Variants in SLC17A1 observed in about 807,000 individuals in gnomAD.
The protein encoded by SLC17A1 is solute carrier family 17 member 1.
In SLC17A1, 51 loss-of-function variants were observed where a neutral mutation model predicts 53.5. The ratio of observed to expected loss-of-function variants is 0.95; its 90% CI spans 0.76 to 1.20. The LOEUF (loss-of-function observed/expected upper bound fraction) is 1.20, where lower values mean the gene tolerates loss of function less well. Ranked by LOEUF, SLC17A1 falls within the 50% of genes most tolerant of loss-of-function variation. The probability of loss-of-function intolerance (pLI) is 0.00; values close to 1 mark genes in which losing one functional copy is unlikely to be tolerated. For synonymous variants in SLC17A1, 179 were observed against 198.8 expected (o/e 0.90, Z 0.84); for missense variants, 538 against 568.2 (o/e 0.95, Z 0.54).
chr6:25,731,814 T>G, the SLC17A1 span: 1 of 1,601,390 alleles, frequency 6.2e-7, no homozygotes, highest in Non-Finnish European at 8.5e-7. Context: ...GGTGACAGCC[T>G]TGGTGCCCTC....
the SLC17A1 span, among the ~76,000 whole-genome samples, chr6:25,744,736 A>G: frequency 1.3e-5 from 2 of 152,156 alleles, no homozygotes. Flanking sequence ...CCTGGTGGAC[A>G]TTCTTACACC....
rs34669145 is a variant in SLC17A1 at position 25,802,935 on chromosome 6, C to CTTTT, written c.1179-1959_1179-1956dup. Among the ~76,000 whole-genome samples, 78 of 46,102 alleles carry CTTTT rather than the reference C, an allele frequency of 1.7e-3. 10 individuals carry two copies. The highest frequency in any genetic ancestry group is 4.4e-3 in the East Asian group (5 of 1,130). 30.2% of individuals were successfully genotyped at this position (46,102 alleles called of 152,430 possible). ...ATGACGTTTTAACGACTATCTTCTT[C>CTTTT]TTTTTTTTTTTTTTTTTTTTTTTTT... is the stretch of plus-strand genomic sequence containing the variant. On this transcript the variant is annotated intron_variant, in intron 10 of 12. Coordinates refer to ENST00000244527, the MANE Select transcript of SLC17A1 (RefSeq NM_005074.5).
At chr6:25,793,692 T>C (rs1163036079) in intron 12 of SLC17A1, among the ~76,000 whole-genome samples, 1 of 152,118 alleles carries the variant, frequency 6.6e-6, no homozygotes, top group Non-Finnish European at 1.5e-5. Context: ...GAATATTAGA[T>C]AGCAGGGATT....
At chr6:25,769,328 G>C in the SLC17A1 span, 1 of 819,136 alleles carries the variant, frequency 1.2e-6, no homozygotes. Flanking sequence ...AAGTACCTAA[G>C]TATCAGGCCG....
At chr6:25,732,138 T>A in the SLC17A1 span, 3 of 547,312 alleles carry the variant, frequency 5.5e-6, no homozygotes, top group East Asian at 1.4e-4. Flanking sequence ...GAAATGGTAG[T>A]GCCCTTTGAA....
At chr6:25,732,721 GC>G in the SLC17A1 span, 6 of 1,286,210 alleles carry the variant, frequency 4.7e-6, no homozygotes, top group Non-Finnish European at 6.6e-6. Flanking sequence ...TCGACAAGCT[GC>G]TGGCCCGAGT....
chr6:25,756,579 G>A, the SLC17A1 span, among the ~76,000 whole-genome samples: 4 of 152,134 alleles, frequency 2.6e-5, no homozygotes, highest in Admixed American at 1.3e-4. Context: ...CCCCACAACA[G>A]CACTGTCCTC....
chr6:25,824,191 C>T (rs1400528478), intron 3 of SLC17A1, among the ~76,000 whole-genome samples: 2 of 151,560 alleles, frequency 1.3e-5, no homozygotes, highest in Non-Finnish European at 3.0e-5. Context: ...TTCTTATATG[C>T]AACAACAAAA....
chr6:25,831,083 A>G (rs1474121993), intron 1 of SLC17A1, among the ~76,000 whole-genome samples: 12 of 152,196 alleles, frequency 7.9e-5, no homozygotes. Flanking sequence ...GGAAGATACT[A>G]TCTGCTTATT....
At chr6:25,774,827 C>T in the SLC17A1 span, among the ~76,000 whole-genome samples, 187 of 152,328 alleles carry the variant, frequency 1.2e-3, no homozygotes, top group African/African-American at 3.5e-3. Context: ...GCCTTCAGGG[C>T]ATTTTCTCAC....
At chr6:25,728,028 A>C in the SLC17A1 span, among the ~76,000 whole-genome samples, 2 of 151,880 alleles carry the variant, frequency 1.3e-5, no homozygotes, top group South Asian at 2.1e-4. Context: ...AAACAAAAAA[A>C]CCCCCTAGTT....
the SLC17A1 span, among the ~76,000 whole-genome samples, chr6:25,729,433 A>G: frequency 1.3e-5 from 2 of 152,316 alleles, 1 homozygote; most frequent in South Asian, 4.1e-4. Context: ...AGGATAAAGT[A>G]AAGGCAGGAA....
chr6:25,759,801 C>A, the SLC17A1 span, among the ~76,000 whole-genome samples: 2 of 152,146 alleles, frequency 1.3e-5, no homozygotes, highest in Non-Finnish European at 2.9e-5. Context: ...ACTATAGATA[C>A]TTGGTTGTTT....
the SLC17A1 span, among the ~76,000 whole-genome samples, chr6:25,763,262 T>G: frequency 2.0e-5 from 3 of 152,190 alleles, no homozygotes; most frequent in Admixed American, 2.0e-4. Flanking sequence ...GTAACCCACT[T>G]TACCCTGGCC....
At chr6:25,756,601 G>A in the SLC17A1 span, among the ~76,000 whole-genome samples, 64 of 152,080 alleles carry the variant, frequency 4.2e-4, no homozygotes, top group African/African-American at 1.4e-3. Flanking sequence ...CTTCACCCTC[G>A]GCTGTCTGTT....
At chr6:25,728,002 A>C in the SLC17A1 span, among the ~76,000 whole-genome samples, 1 of 152,134 alleles carries the variant, frequency 6.6e-6, no homozygotes, top group African/African-American at 2.4e-5. Flanking sequence ...TGACAGCGAG[A>C]CTGTCTCAAA....
chr6:25,727,426 C>A, the SLC17A1 span: 1 of 732,872 alleles, frequency 1.4e-6, no homozygotes, highest in Non-Finnish European at 2.1e-6. Context: ...GGCGGAGTCT[C>A]ACTCTCCCAG....
At chr6:25,731,994 G>A in the SLC17A1 span, 1 of 1,582,196 alleles carries the variant, frequency 6.3e-7, no homozygotes, top group South Asian at 1.1e-5. Context: ...CATGGCCTTG[G>A]AAGAGATTCC....
the SLC17A1 span, among the ~76,000 whole-genome samples, chr6:25,760,681 A>G: frequency 2.6e-5 from 4 of 152,072 alleles, no homozygotes; most frequent in African/African-American, 4.8e-5. Flanking sequence ...ACTGAGCTTT[A>G]TTCTGTACAA....
Sources: gnomAD v4.1 joint callset for allele counts (sites outside exome capture counted in the v4.1 genomes callset) on GRCh38, gnomAD v4.1.1 for gene constraint, MANE v1.5 for transcripts, NCBI Gene and HGNC (gene_info 2026-07-23, HGNC 2026-07-21) for gene names.